Variants in TBCEL observed in about 807,000 individuals in gnomAD.
The protein encoded by TBCEL is tubulin-specific chaperone cofactor E-like protein.
Under a neutral mutation model 44.2 loss-of-function variants are expected in TBCEL, and 15 were observed. That is an observed-to-expected ratio of 0.34 (90% CI 0.23 to 0.52). The LOEUF is 0.52. Among genes scored for constraint, TBCEL ranks in the 20% least tolerant of loss-of-function variants. The probability of loss-of-function intolerance (pLI) is 0.95; values close to 1 mark genes in which losing one functional copy is unlikely to be tolerated. For missense variants in TBCEL, 319 were observed against 506.3 expected (o/e 0.63, Z 3.55); for synonymous variants, 171 against 185.4 (o/e 0.92, Z 0.63).
At chr11:121,050,828 A>G (rs890244851) in intron 4 of TBCEL, among the ~76,000 whole-genome samples, 13 of 151,740 alleles carry the variant, frequency 8.6e-5, no homozygotes, top group South Asian at 2.1e-4. Flanking sequence ...GTAGAAACCT[A>G]AAATGTGATC....
At chr11:121,063,556 G>A (rs1461253850) in intron 8 of TBCEL, among the ~76,000 whole-genome samples, 1 of 152,018 alleles carries the variant, frequency 6.6e-6, no homozygotes, top group African/African-American at 2.4e-5. Flanking sequence ...CTGGTATATA[G>A]TGTTTACAGA....
chr11:121,066,900 G>T (rs1017776806), intron 8 of TBCEL, among the ~76,000 whole-genome samples: 1 of 152,090 alleles, frequency 6.6e-6, no homozygotes. Context: ...TAGGATGGAG[G>T]TATCCATTTA....
rs888092026 is a variant in TBCEL, at chr11:121,024,228, G to C, written c.-189G>C. On this transcript the variant is annotated 5_prime_UTR_variant, in exon 1 of 9. Transcript: ENST00000683345. ...GCGGCGGCGACAGCGGTGGCCGGGA[G>C]GGGGGAGGAGAGGCGCAGCCAGAGG... is the stretch of plus-strand genomic sequence containing the variant. The C allele has an allele frequency of 1.3e-5, 2 of 152,854 alleles. No individual in the cohort carries two copies. The highest frequency in any genetic ancestry group is 2.9e-5 in the Non-Finnish European group (2 of 68,334). 9.5% of individuals were successfully genotyped at this position (152,854 alleles called of 1,614,324 possible). A position where few individuals can be genotyped will look rare whatever the true frequency, so the allele number is the denominator to read the frequency against.
intron 2 of TBCEL, among the ~76,000 whole-genome samples, chr11:121,037,662 A>G (rs1945256505): frequency 6.6e-6 from 1 of 152,226 alleles, no homozygotes; most frequent in South Asian, 2.1e-4. Flanking sequence ...GCAAAAAGGC[A>G]GGTTATAAAA....
chr11:121,027,518 G>T (rs1945067312), intron 1 of TBCEL, among the ~76,000 whole-genome samples: 2 of 152,160 alleles, frequency 1.3e-5, no homozygotes, highest in Admixed American at 1.3e-4. Flanking sequence ...GCCTTCTACA[G>T]ACTTCCTCTA....
chr11:121,055,668 C>T (rs983762757), intron 6 of TBCEL, among the ~76,000 whole-genome samples: 4 of 151,770 alleles, frequency 2.6e-5, no homozygotes, highest in African/African-American at 7.3e-5. Context: ...TCCCAACCTG[C>T]TGTCTTTTCA....
At chr11:121,054,983 A>T in intron 5 of TBCEL, 69 bp from the exon 6 acceptor site, 1 of 1,374,894 alleles carries the variant, frequency 7.3e-7, no homozygotes. Context: ...TTATTGAATG[A>T]ATGAAAATAG....
At chr11:121,025,036 G>T (rs962970178) in intron 1 of TBCEL, among the ~76,000 whole-genome samples, 1 of 152,188 alleles carries the variant, frequency 6.6e-6, no homozygotes, top group Admixed American at 6.5e-5. Context: ...GAAGAGAGGA[G>T]ATTTAATAGT....
chr11:121,046,300 A>C (rs1945428778), intron 3 of TBCEL, among the ~76,000 whole-genome samples: 1 of 152,132 alleles, frequency 6.6e-6, no homozygotes, highest in Non-Finnish European at 1.5e-5. Context: ...TAGTTCTTCA[A>C]GAATGTAGAA....
chr11:121,038,870 T>G (rs1285689534), intron 2 of TBCEL, among the ~76,000 whole-genome samples: 15 of 152,232 alleles, frequency 9.9e-5, no homozygotes, highest in Non-Finnish European at 1.9e-4. Context: ...CTCGGCTTAT[T>G]TACTTAACTC....
intron 1 of TBCEL, among the ~76,000 whole-genome samples, chr11:121,030,318 G>A (rs780156290): frequency 3.9e-5 from 6 of 152,172 alleles, no homozygotes; most frequent in Non-Finnish European, 7.3e-5. Context: ...AATCCTTGGC[G>A]ACCATGATGA....
chr11:121,053,510 C>T (rs754475378), intron 4 of TBCEL, 41 bp from the exon 5 acceptor site: 48 of 1,591,132 alleles, frequency 3.0e-5, no homozygotes, highest in Non-Finnish European at 3.9e-5. Flanking sequence ...TTTAACAGCT[C>T]TGATTACTGC....
rs35152140 is a variant in TBCEL at position 121,090,748 on chromosome 11, T to TA, written c.*3659dup. The TA allele has an allele frequency of 6.6e-6, 1 of 151,372 alleles. No homozygotes were observed. The highest frequency in any genetic ancestry group is 1.5e-5 in the Non-Finnish European group (1 of 67,876). The allele number at this position is 151,372 out of a possible 1,614,324, so 9.4% of individuals were successfully genotyped here. On this transcript the variant is annotated 3_prime_UTR_variant, in exon 9 of 9. Coordinates refer to ENST00000683345, the MANE Select transcript of TBCEL (RefSeq NM_001363644.2). ...TATTAATATATATATAGATAATCTT[T>TA]AAAAAAATTAAAATTCAAGTCCATT...
intron 8 of TBCEL, among the ~76,000 whole-genome samples, chr11:121,066,802 C>T (rs546911031): frequency 3.3e-5 from 5 of 152,292 alleles, no homozygotes; most frequent in Admixed American, 3.3e-4. Context: ...ATGAATAGCA[C>T]ATAGTACTGT....
At chr11:121,066,891 A>G (rs1945831320) in intron 8 of TBCEL, among the ~76,000 whole-genome samples, 1 of 152,196 alleles carries the variant, frequency 6.6e-6, no homozygotes, top group Non-Finnish European at 1.5e-5. Context: ...GTTTCCAGGT[A>G]GGATGGAGGT....
intron 2 of TBCEL, among the ~76,000 whole-genome samples, chr11:121,042,640 C>T (rs1945354866): frequency 6.6e-6 from 1 of 152,082 alleles, no homozygotes; most frequent in South Asian, 2.1e-4. Context: ...ATATTGATGC[C>T]ATTTATCATG....
intron 6 of TBCEL, among the ~76,000 whole-genome samples, chr11:121,056,392 A>T (rs1342433688): frequency 2.6e-5 from 4 of 151,834 alleles, no homozygotes. Flanking sequence ...TTACTGAAGG[A>T]CATCTTGGTT....
intron 8 of TBCEL, among the ~76,000 whole-genome samples, chr11:121,081,425 G>A (rs1432536814): frequency 6.6e-6 from 1 of 152,214 alleles, no homozygotes; most frequent in African/African-American, 2.4e-5. Flanking sequence ...CACTTCAGAA[G>A]TGGGGCTTAT....
At chr11:121,078,354 G>A (rs550278901) in intron 8 of TBCEL, among the ~76,000 whole-genome samples, 5 of 152,104 alleles carry the variant, frequency 3.3e-5, no homozygotes, top group South Asian at 4.2e-4. Context: ...GCTGGAGCTC[G>A]TCTCTCCCTG....
Sources: gnomAD v4.1 joint callset for allele counts (sites outside exome capture counted in the v4.1 genomes callset) on GRCh38, gnomAD v4.1.1 for gene constraint, MANE v1.5 for transcripts, NCBI Gene and HGNC (gene_info 2026-07-23, HGNC 2026-07-21) for gene names.